WDR87: variants seen among roughly 807,000 people sequenced by gnomAD.
WDR87 encodes the protein WD repeat-containing protein 87.
WDR87 carries 56 observed loss-of-function variants against 83.3 expected under a neutral mutation model. The ratio of observed to expected loss-of-function variants is 0.67; its 90% CI spans 0.54 to 0.84. The LOEUF (loss-of-function observed/expected upper bound fraction) is 0.84. WDR87 is among the 40% of genes least tolerant of loss of function. WDR87 has a pLI of 0.00. For missense variants in WDR87, 2,939 were observed against 3,431.9 expected, an observed-to-expected ratio of 0.86 and a Z score of 3.59; for synonymous variants, 1,173 against 1,250.6, an observed-to-expected ratio of 0.94 and a Z score of 1.31.
chr19:37,885,099 G>C lies in WDR87; in HGVS notation c.8572C>G (p.Gln2858Glu). ...AGGGGTACCGCACCCTGGAACTCCTGAGGACTTCTAGGAGTATGAGAACTG... is the reference window on the plus strand; with the variant it reads ...AGGGGTACCGCACCCTGGAACTCCTCAGGACTTCTAGGAGTATGAGAACTG... ...CGSSHTPRSP[Q>E]EFQGAVPLPW... The change falls in exon 6 of 6, where the codon CAG (glutamine) becomes GAG (glutamate). Residue 2858 changes from glutamine to glutamate, a missense_variant. Coordinates refer to ENST00000447313, the MANE Select transcript of WDR87 (RefSeq NM_001291088.2). 1 of 1,464,502 alleles carries C rather than the reference G, an allele frequency of 6.8e-7. No individual in the cohort carries two copies. The highest frequency in any genetic ancestry group is 9.0e-7 in the Non-Finnish European group (1 of 1,108,026). 90.7% of individuals were successfully genotyped at this position (1,464,502 alleles called of 1,614,324 possible).
At chr19:37,904,318 C>T (rs2046310285) in intron 1 of WDR87, among the ~76,000 whole-genome samples, 1 of 151,548 alleles carries the variant, frequency 6.6e-6, no homozygotes, top group Admixed American at 6.6e-5. Context: ...TTCCCCTTCC[C>T]AGAAGTAACT....
At chr19:37,896,863 G>A (rs78526059) in intron 2 of WDR87, among the ~76,000 whole-genome samples, 3 of 152,046 alleles carry the variant, frequency 2.0e-5, no homozygotes, top group Admixed American at 6.6e-5. Flanking sequence ...CAGGTAATCC[G>A]CCCGCCTCGG....
rs1317652378 is a variant in WDR87, at chr19:37,886,195, T to G, written c.7476A>C (p.Thr2492=). ...YEPIPPHVLG[T]VLESQAQDLK... is the part of the protein sequence containing the mutation. ...AGTCCTGTGCTTGGGACTCCAAAAC[T>G]GTACCCAAAACATGTGGAGGTATGG... The change falls in exon 6 of 6, where the codon ACA becomes ACC. Residue 2492 remains threonine, a synonymous_variant. Coordinates refer to ENST00000447313, the MANE Select transcript of WDR87 (RefSeq NM_001291088.2). 3.9e-6 allele frequency: 6 copies of G among 1,551,728 alleles called. No homozygotes were observed. The Admixed American group carries it at 5.9e-5, about 15-fold the overall frequency.
Position 37,889,056 on chromosome 19 carries a change from C to T in WDR87, c.4615G>A (p.Gly1539Arg), listed in dbSNP as rs2046178910. Reference protein sequence around the residue: ...LQEEEKLHQAGEKLSPEEEML... With the variant: ...LQEEEKLHQAREKLSPEEEML... ...TCCTCCTCCGGGGATAGCTTCTCTCCAGCCTGATGTAGTTTCTCCTCTTCC... is the reference window on the plus strand; with the variant it reads ...TCCTCCTCCGGGGATAGCTTCTCTCTAGCCTGATGTAGTTTCTCCTCTTCC... Residue 1539 changes from glycine (G) to arginine (R), a missense_variant, in exon 6 of 6, where the codon GGA (glycine) becomes AGA (arginine). Transcript: ENST00000447313. 1.3e-6 allele frequency: 2 copies of T among 1,551,922 alleles called. No individual in the cohort carries two copies. Among genetic ancestry groups the T allele is most frequent in the South Asian group, 1.2e-5 (1 of 84,060 alleles).
Position 37,895,264 on chromosome 19 carries a change from G to A in WDR87, c.439C>T (p.Pro147Ser), listed in dbSNP as rs994762379. Residue 147 changes from proline to serine, a missense_variant, in exon 4 of 6, where the codon CCC becomes TCC. By Grantham distance (74) the Pro-to-Ser change is moderately conservative (BLOSUM62 -1). This residue lies in a region of WDR87 where 226 missense variants were observed against 320.9 expected (regional missense o/e 0.70). Transcript: ENST00000447313. ...FRAFKPLGKVPCRFNISCLCY... is the reference protein window; with the variant it reads ...FRAFKPLGKVSCRFNISCLCY... ...AGGCAGCTGATGTTGAAGCGGCAGG[G>A]CACTTTACCCAGGGGTTTGAATGCC... 1 of 1,551,702 alleles carries A rather than the reference G, an allele frequency of 6.4e-7. No homozygotes were observed. Among genetic ancestry groups the A allele is most frequent in the Non-Finnish European group, 8.7e-7 (1 of 1,147,002 alleles).
rs990411812 is a variant in WDR87, at chr19:37,889,234, T to C, written c.4437A>G (p.Lys1479=). 1 of 1,552,106 alleles carries C rather than the reference T, an allele frequency of 6.4e-7. No homozygotes were observed. The highest frequency in any genetic ancestry group is 2.4e-5 in the East Asian group (1 of 40,910). The change falls in exon 6 of 6, where the codon AAA becomes AAG. Residue 1479 remains lysine (K), a synonymous_variant. Transcript: ENST00000447313. The stretch of plus-strand genomic sequence containing the variant: ...CCAGTTTTCCTTCTTGTTTGACCAC[T>C]TTCTCCTCTAGTGTGGCCATTTCCT... ...EVEEMATLEE[K]VVKQEGKLVM... is the part of the protein sequence containing the mutation.
Position 37,887,911 on chromosome 19 carries a change from C to T in WDR87, c.5760G>A (p.Leu1920=), listed in dbSNP as rs773659166. Residue 1920 remains leucine (L), a synonymous_variant, in exon 6 of 6, where the codon TTG becomes TTA. Coordinates refer to ENST00000447313, the MANE Select transcript of WDR87 (RefSeq NM_001291088.2). ...GAGCCAGTATCTTGTTGAACATTCC[C>T]AATTTGTTCTTTACTTGCACTAATT... The part of the protein sequence containing the change: ...KKQLVQVKNK[L]GMFNKILAQV... 2 of 1,551,696 alleles carry T rather than the reference C, an allele frequency of 1.3e-6. No individual in the cohort carries two copies. Among genetic ancestry groups the T allele is most frequent in the South Asian group, 2.4e-5 (2 of 84,038 alleles).
Position 37,885,829 on chromosome 19 carries a change from G to A in WDR87, c.7842C>T (p.Tyr2614=). The A allele has an allele frequency of 6.4e-7, 1 of 1,551,888 alleles. No individual in the cohort carries two copies. Among genetic ancestry groups the A allele is most frequent in the Non-Finnish European group, 8.7e-7 (1 of 1,147,038 alleles). ...LHLAKHEAIV[Y]RHRQALESQD... is the part of the protein sequence containing the mutation. The stretch of plus-strand genomic sequence containing the variant: ...GTGACTCCAGGGCCTGTCTGTGACG[G>A]TACACAATGGCTTCATGTTTGGCCA... The change falls in exon 6 of 6, where the codon TAC becomes TAT. Residue 2614 remains tyrosine (Y), a synonymous_variant. Coordinates refer to ENST00000447313, the MANE Select transcript of WDR87 (RefSeq NM_001291088.2).
At position 37,893,582 on chromosome 19, in the gene WDR87, G is replaced by A; in HGVS notation, c.2121C>T (p.Phe707=). 2 of 1,551,910 alleles carry A rather than the reference G, an allele frequency of 1.3e-6. No individual in the cohort carries two copies. The highest frequency in any genetic ancestry group is 1.7e-6 in the Non-Finnish European group (2 of 1,147,052). The change falls in exon 4 of 6, where the codon TTC becomes TTT. Residue 707 remains phenylalanine, a synonymous_variant. Coordinates refer to ENST00000447313, the MANE Select transcript of WDR87 (RefSeq NM_001291088.2). ...EVPKPFIPSF[F]FSFETMFVPK... is the part of the protein sequence containing the mutation. ...GCACAAACATGGTCTCAAAGGAGAA[G>A]AAGAAGCTTGGTATGAAAGGCTTAG...
chr19:37,895,998 G>A, intron 3 of WDR87, 140 bp downstream of exon 3: 1 of 1,172,478 alleles, frequency 8.5e-7, no homozygotes, highest in Non-Finnish European at 1.2e-6. Context: ...GACTATAATT[G>A]GAGAAAGGAT....
chr19:37,885,136 G>A lies in WDR87; in HGVS notation c.8535C>T (p.Cys2845=). Residue 2845 remains cysteine (C), a synonymous_variant, in exon 6 of 6, where the codon TGC becomes TGT. Transcript: ENST00000447313. ...GAGTATGAGAACTGCCACAAAACAGGCAGCAGAACAGCCGTTCCCCGGGAA... is the reference window on the plus strand; with the variant it reads ...GAGTATGAGAACTGCCACAAAACAGACAGCAGAACAGCCGTTCCCCGGGAA... ...ELVPGERLFC[C]LFCGSSHTPR... is the part of the protein sequence containing the mutation. 6.8e-7 allele frequency: 1 copy of A among 1,463,068 alleles called. No homozygotes were observed. Among genetic ancestry groups the A allele is most frequent in the South Asian group, 1.5e-5 (1 of 67,322 alleles). 90.6% of individuals were successfully genotyped at this position (1,463,068 alleles called of 1,614,324 possible).
intron 1 of WDR87, among the ~76,000 whole-genome samples, chr19:37,900,546 G>A (rs186347504): frequency 8.7e-6 from 1 of 114,936 alleles, no homozygotes; most frequent in East Asian, 3.1e-4. Flanking sequence ...CAGTGACAGA[G>A]CAAGACTCCG....
At position 37,896,159 on chromosome 19, in the gene WDR87, T is replaced by C; in HGVS notation, c.225A>G (p.Thr75=). ...TTACTTGTATTTCTTTTGTGTTTGA[T>C]GTCACCCAAGAGAGGGAGGCGAAGA... ...AHFFASLSWV[T]SNTKEIQAVA... Residue 75 remains threonine, a synonymous_variant, in exon 3 of 6, where the codon ACA becomes ACG. Transcript: ENST00000447313. 1 of 1,552,328 alleles carries C rather than the reference T, an allele frequency of 6.4e-7. No homozygotes were observed. Among genetic ancestry groups the C allele is most frequent in the Non-Finnish European group, 8.7e-7 (1 of 1,147,112 alleles).
At chr19:37,890,884 CTT>C (rs1180901120) in intron 5 of WDR87, among the ~76,000 whole-genome samples, 3 of 152,130 alleles carry the variant, frequency 2.0e-5, no homozygotes, top group Non-Finnish European at 4.4e-5. Flanking sequence ...ATGTATCACT[CTT>C]TTTTATCACA....
rs1230259191 is a variant in WDR87, at chr19:37,886,336, C to A, written c.7335G>T (p.Val2445=). 2 of 1,551,608 alleles carry A rather than the reference C, an allele frequency of 1.3e-6. No individual in the cohort carries two copies. The highest frequency in any genetic ancestry group is 2.0e-5 in the Admixed American group (1 of 50,962). The part of the protein sequence containing the change: ...TALEMKEKTP[V]PVPEKQISWE... Reference sequence around the variant, plus strand: ...AGGATATTTGTTTCTCCGGCACTGGCACTGGTGTTTTCTCTTTCATCTCCA... The same window carrying A: ...AGGATATTTGTTTCTCCGGCACTGGAACTGGTGTTTTCTCTTTCATCTCCA... The change falls in exon 6 of 6, where the codon GTG becomes GTT. Residue 2445 remains valine (V), a synonymous_variant. Coordinates refer to ENST00000447313, the MANE Select transcript of WDR87 (RefSeq NM_001291088.2).
intron 5 of WDR87, among the ~76,000 whole-genome samples, chr19:37,891,121 A>G (rs1478210849): frequency 6.7e-6 from 1 of 149,766 alleles, no homozygotes; most frequent in Non-Finnish European, 1.5e-5. Flanking sequence ...TGTCTTTTCT[A>G]TGATGAGATC....
At chr19:37,899,194 A>G (rs1362688902) in intron 1 of WDR87, among the ~76,000 whole-genome samples, 1 of 152,024 alleles carries the variant, frequency 6.6e-6, no homozygotes, top group Admixed American at 6.6e-5. Context: ...GGAGGAGGAT[A>G]GATCACCTGA....
chr19:37,893,409 A>G lies in WDR87; in HGVS notation c.2294T>C (p.Met765Thr). The change falls in exon 4 of 6, where the codon ATG becomes ACG. Residue 765 changes from methionine (M) to threonine (T), a missense_variant. By Grantham distance (81) the Met-to-Thr change is moderately conservative. Around this residue, in one of 3 missense-constraint regions of WDR87, gnomAD observed 2,160 missense variants for 2,533.1 expected, o/e 0.85. Transcript: ENST00000447313. Reference sequence around the variant, plus strand: ...TTCCATGTCCTGCAAAGAATAATGCATGGAGGAACGCAGTAACACTGGGCT... The same window carrying G: ...TTCCATGTCCTGCAAAGAATAATGCGTGGAGGAACGCAGTAACACTGGGCT... ...EGSPVLLRSS[M>T]HYSLQDMEDW... 1 of 1,552,196 alleles carries G rather than the reference A, an allele frequency of 6.4e-7. No homozygotes were observed. The highest frequency in any genetic ancestry group is 1.2e-5 in the South Asian group (1 of 84,056).
At chr19:37,896,097 C>G (rs1027977118) in intron 3 of WDR87, 41 bp downstream of exon 3, 1 of 1,550,262 alleles carries the variant, frequency 6.5e-7, no homozygotes, top group African/African-American at 1.4e-5. Flanking sequence ...GGGCATGGCT[C>G]TTGGAGAATG....
Sources: gnomAD v4.1 joint callset for allele counts (sites outside exome capture counted in the v4.1 genomes callset) on GRCh38, gnomAD v4.1.1 for gene constraint, gnomAD v4.1.1 regional missense constraint, MANE v1.5 for transcripts, NCBI Gene and HGNC (gene_info 2026-07-23, HGNC 2026-07-21) for gene names.